The following MYH11 variants were observed in gnomAD, a reference collection of about 807,000 sequenced individuals.
MYH11 encodes myosin-11.
MYH11 carries 80 observed loss-of-function variants against 246.6 expected under a neutral mutation model. That is an observed-to-expected ratio of 0.32 (90% CI 0.27 to 0.39). The LOEUF (loss-of-function observed/expected upper bound fraction) is 0.39, where lower values mean the gene tolerates loss of function less well. MYH11 is among the 10% of genes least tolerant of loss of function. The probability of loss-of-function intolerance (pLI) is 1.00; values close to 1 mark genes in which losing one functional copy is unlikely to be tolerated. For synonymous variants in MYH11, 1,071 were observed against 1,015.5 expected, an observed-to-expected ratio of 1.05 and a Z score of -1.04; for missense variants, 2,158 against 2,546.8, an observed-to-expected ratio of 0.85 and a Z score of 3.29.
intron 1 of MYH11, among the ~76,000 whole-genome samples, chr16:15,848,998 G>C (rs1221721107): frequency 6.6e-6 from 1 of 152,184 alleles, no homozygotes; most frequent in Non-Finnish European, 1.5e-5. Flanking sequence ...AGGGCTGAAA[G>C]GACATCTCTG....
intron 36 of MYH11, 82 bp downstream of exon 36, chr16:15,719,137 TA>T: frequency 2.1e-6 from 3 of 1,416,388 alleles, no homozygotes; most frequent in Non-Finnish European, 2.0e-6. Flanking sequence ...CGAAAAAATT[TA>T]AAAAATAAAA....
chr16:15,833,789 A>T (rs2043817728), intron 2 of MYH11, among the ~76,000 whole-genome samples: 1 of 152,122 alleles, frequency 6.6e-6, no homozygotes, highest in South Asian at 2.1e-4. Context: ...CCGCCTATTA[A>T]CAAGACTCAT....
chr16:15,826,004 T>C (rs183143191), intron 2 of MYH11, among the ~76,000 whole-genome samples: 24 of 152,022 alleles, frequency 1.6e-4, no homozygotes, highest in Admixed American at 3.3e-4. Context: ...CAACAGAGGG[T>C]TAAGTGACTT....
intron 4 of MYH11, chr16:15,792,502 G>A (rs766040428): frequency 6.6e-6 from 1 of 152,142 alleles, no homozygotes; most frequent in Non-Finnish European, 1.5e-5. Flanking sequence ...TAAAAGGTCA[G>A]ACAGTAAATA....
rs199717623 is a variant in MYH11, at chr16:15,719,574, C to A, written c.5082+11G>T. The stretch of plus-strand genomic sequence containing the variant: ...CGCATCTGAGGCTCTCCTAGCAAGG[C>A]GAGGCTTTACCTCTTGTAGCTGCAT... On this transcript the variant is annotated intron_variant, in intron 35 of 40. Coordinates refer to ENST00000300036, the MANE Select transcript of MYH11 (RefSeq NM_002474.3). 6.2e-7 allele frequency: 1 copy of A among 1,613,942 alleles called. No homozygotes were observed. Among genetic ancestry groups the A allele is most frequent in the Admixed American group, 1.7e-5 (1 of 60,018 alleles).
intron 20 of MYH11, among the ~76,000 whole-genome samples, chr16:15,742,999 T>C (rs1371753763): frequency 2.1e-5 from 1 of 46,800 alleles, no homozygotes; most frequent in Non-Finnish European, 4.2e-5. Flanking sequence ...GGTAGAAGTC[T>C]TTTTTTTTTT....
chr16:15,741,601 C>T lies in MYH11; in HGVS notation c.2721G>A (p.Glu907=). The part of the protein sequence containing the change: ...QAETELYAEA[E]EMRVRLAAKK... ...TGGCCGCCAGCCGCACCCGCATCTC[C>T]TCAGCCTCTGCATACAGCTCTGTCT... is the stretch of plus-strand genomic sequence containing the variant. Residue 907 remains glutamate (E), a synonymous_variant, in exon 22 of 41, where the codon GAG becomes GAA. Transcript: ENST00000300036. 1.2e-6 allele frequency: 2 copies of T among 1,613,072 alleles called. No homozygotes were observed. Among genetic ancestry groups the T allele is most frequent in the Non-Finnish European group, 1.7e-6 (2 of 1,180,036 alleles).
intron 1 of MYH11, among the ~76,000 whole-genome samples, chr16:15,854,540 G>A (rs926065251): frequency 6.6e-6 from 1 of 152,268 alleles, no homozygotes; most frequent in Non-Finnish European, 1.5e-5. Flanking sequence ...TTATGAAGAC[G>A]TAAGATAATG....
At chr16:15,744,125 A>T (rs1001910516) in intron 20 of MYH11, among the ~76,000 whole-genome samples, 29 of 152,120 alleles carry the variant, frequency 1.9e-4, no homozygotes, top group African/African-American at 6.8e-4. Context: ...AAAAGTAAAA[A>T]AAAAAAAACC....
chr16:15,720,431 T>C, intron 33 of MYH11, 119 bp from the exon 34 acceptor site: 1 of 1,339,878 alleles, frequency 7.5e-7, no homozygotes, highest in Non-Finnish European at 1.0e-6. Context: ...GGTGGGCATC[T>C]CATCCCCAGT....
In MYH11 at chr16:15,748,168, A is replaced by C. The variant is rs201595066; in HGVS notation, c.2059T>G (p.Ser687Ala). The C allele has an allele frequency of 6.2e-7, 1 of 1,613,692 alleles. No individual in the cohort carries two copies. Among genetic ancestry groups the C allele is most frequent in the Non-Finnish European group, 8.5e-7 (1 of 1,180,038 alleles). The change falls in exon 17 of 41, where the codon TCC (serine) becomes GCC (alanine). Residue 687 changes from serine (S) to alanine (A), a missense_variant and splice_region_variant. Physicochemically the swap from Ser to Ala is moderately conservative, Grantham distance 99. Coordinates refer to ENST00000300036, the MANE Select transcript of MYH11 (RefSeq NM_002474.3). The stretch of plus-strand genomic sequence containing the variant: ...ACCAGGAACGCATCCAGCTTGCCGG[A>C]CTGCAAAGGTCAAAGAGGGCAGTGG... ...RCIIPNHEKR[S>A]GKLDAFLVLE...
At chr16:15,770,114 CA>C (rs1302260740) in intron 9 of MYH11, among the ~76,000 whole-genome samples, 1 of 152,120 alleles carries the variant, frequency 6.6e-6, no homozygotes, top group Non-Finnish European at 1.5e-5. Flanking sequence ...ACCCCTGTCC[CA>C]AATGAAATGA....
intron 38 of MYH11, among the ~76,000 whole-genome samples, chr16:15,715,734 A>C (rs949107856): frequency 6.6e-6 from 1 of 152,070 alleles, no homozygotes; most frequent in Non-Finnish European, 1.5e-5. Flanking sequence ...TGCAGCCTTG[A>C]ACTCCTGGCT....
rs536429776 is a variant in MYH11 at position 15,821,833 on chromosome 16, G to A, written c.502+1422C>T. Among the ~76,000 whole-genome samples the A allele has an allele frequency of 8.9e-5, 13 of 146,306 alleles. 1 individual carries two copies. The highest frequency in any genetic ancestry group is 3.3e-4 in the African/African-American group (13 of 39,612). On this transcript the variant is annotated intron_variant, in intron 3 of 40. Transcript: ENST00000300036. ...CTCGGGAGGCTGAGGCAGGAGAATG[G>A]CGTGAACCCGGGAAGCGGAGCTTGC...
intron 3 of MYH11, among the ~76,000 whole-genome samples, chr16:15,814,654 C>T (rs1048631780): frequency 6.7e-6 from 1 of 150,216 alleles, no homozygotes; most frequent in African/African-American, 2.5e-5. Flanking sequence ...ACACCGAATT[C>T]CCCATTTCTG....
intron 3 of MYH11, among the ~76,000 whole-genome samples, chr16:15,811,697 A>T (rs1293319004): frequency 6.6e-6 from 1 of 152,070 alleles, no homozygotes; most frequent in East Asian, 1.9e-4. Context: ...AGAAGGATAC[A>T]GCCGAGTGTG....
Position 15,726,893 on chromosome 16 carries a change from C to T in MYH11, c.3813G>A (p.Gly1271=), listed in dbSNP as rs1325803447. The T allele has an allele frequency of 1.9e-6, 3 of 1,612,468 alleles. No homozygotes were observed. The highest frequency in any genetic ancestry group is 2.2e-5 in the South Asian group (2 of 91,078). The stretch of plus-strand genomic sequence containing the variant: ...CATTGAGCTCCGCCCGGGCCCGCTC[C>T]CCATCGCTGCACTTGGACTGCAGCT... ...VQELQSKCSD[G]ERARAELNDK... is the part of the protein sequence containing the mutation. Residue 1271 remains glycine, a synonymous_variant, in exon 28 of 41, where the codon GGG becomes GGA. Transcript: ENST00000300036.
chr16:15,763,895 A>C lies in MYH11; in HGVS notation c.1034-4T>G, dbSNP rs758155637. ...GATGATACCACCTTCAATATGGCTG[A>C]GGTGGGGAGAGAAGGGCAGAGCAGA... is the stretch of plus-strand genomic sequence containing the variant. On this transcript the variant is annotated splice_region_variant and splice_polypyrimidine_tract_variant and intron_variant, in intron 9 of 40. Transcript: ENST00000300036. The C allele has an allele frequency of 6.2e-7, 1 of 1,611,324 alleles. No homozygotes were observed.
chr16:15,705,505 CTT>C (rs972636443), intron 40 of MYH11, among the ~76,000 whole-genome samples: 6 of 152,208 alleles, frequency 3.9e-5, no homozygotes, highest in African/African-American at 1.4e-4. Flanking sequence ...ACACTTAACT[CTT>C]TTCAGCAACC....
Sources: allele counts gnomAD v4.1 joint callset (sites outside exome capture counted in the v4.1 genomes callset), GRCh38; gene constraint gnomAD v4.1.1; transcripts MANE v1.5; gene names NCBI Gene and HGNC (gene_info 2026-07-23, HGNC 2026-07-21).